The following PDE1A variants were observed in gnomAD, a reference collection of about 807,000 sequenced individuals.
PDE1A encodes phosphodiesterase 1A.
A neutral mutation model predicts 61.7 loss-of-function variants in PDE1A; 35 were observed. The ratio of observed to expected loss-of-function variants is 0.57; its 90% CI spans 0.43 to 0.75. The LOEUF is 0.75. Among genes scored for constraint, PDE1A ranks in the 30% least tolerant of loss-of-function variants. The pLI, the probability that PDE1A is intolerant of heterozygous loss-of-function variation, is 0.00. For synonymous variants in PDE1A, 232 were observed against 213.2 expected (o/e 1.09, Z -0.77); for missense variants, 597 against 630.6 (o/e 0.95, Z 0.57).
chr2:182,446,510 A>G (rs1230607325), intron 2 of PDE1A, among the ~76,000 whole-genome samples: 2 of 152,094 alleles, frequency 1.3e-5, no homozygotes, highest in Non-Finnish European at 2.9e-5. Context: ...GACTGAGACT[A>G]AGTATTCTGT....
the PDE1A span, among the ~76,000 whole-genome samples, chr2:182,565,380 C>T: frequency 4.1e-4 from 62 of 152,282 alleles, no homozygotes; most frequent in Non-Finnish European, 1.5e-5. Context: ...TTTTTGTGAA[C>T]CGCAAATGCT....
At chr2:182,676,157 T>G in the PDE1A span, among the ~76,000 whole-genome samples, 1 of 152,046 alleles carries the variant, frequency 6.6e-6, no homozygotes, top group African/African-American at 2.4e-5. Context: ...GGAGTTGGCT[T>G]TTTGAAAAAA....
chr2:182,646,969 A>G, the PDE1A span, among the ~76,000 whole-genome samples: 2 of 152,360 alleles, frequency 1.3e-5, no homozygotes, highest in East Asian at 3.9e-4. Context: ...GGCCATGCTG[A>G]TAATTGGATT....
chr2:182,670,427 CT>C, the PDE1A span, among the ~76,000 whole-genome samples: 2 of 152,162 alleles, frequency 1.3e-5, no homozygotes. Context: ...CTATCAATAG[CT>C]TTTAAAAGCT....
At chr2:182,151,824 T>G (rs944658021) in intron 13 of PDE1A, among the ~76,000 whole-genome samples, 15 of 152,186 alleles carry the variant, frequency 9.9e-5, no homozygotes, top group African/African-American at 3.6e-4. Context: ...TTTGCACTCG[T>G]TATTTTTGAC....
chr2:182,264,207 CT>C, intron 2 of PDE1A, 93 bp downstream of exon 2: 1 of 782,970 alleles, frequency 1.3e-6, no homozygotes, highest in Non-Finnish European at 2.1e-6. Flanking sequence ...GGAAGATATG[CT>C]AAATTCCTGT....
chr2:182,343,844 C>T (rs1177261041), intron 1 of PDE1A, among the ~76,000 whole-genome samples: 3 of 150,384 alleles, frequency 2.0e-5, no homozygotes, highest in African/African-American at 4.9e-5. Flanking sequence ...TGTCCAAATA[C>T]ATAGTAATCT....
the PDE1A span, among the ~76,000 whole-genome samples, chr2:182,635,947 ATTTTTTT>A: frequency 1.8e-5 from 1 of 55,272 alleles, no homozygotes; most frequent in African/African-American, 6.8e-5. Flanking sequence ...TCTCACCGGT[ATTTTTTT>A]TTTTTTTTTT....
intron 10 of PDE1A, among the ~76,000 whole-genome samples, chr2:182,194,815 A>C (rs189343508): frequency 5.9e-4 from 89 of 152,116 alleles, no homozygotes; most frequent in Non-Finnish European, 1.0e-3. Flanking sequence ...TTCGGTAGAC[A>C]AACTAATAAG....
chr2:182,447,002 C>A (rs751265483), intron 2 of PDE1A, among the ~76,000 whole-genome samples: 1 of 151,516 alleles, frequency 6.6e-6, no homozygotes, highest in Non-Finnish European at 1.5e-5. Context: ...TGCACAAAAT[C>A]TTTTGTTTTG....
chr2:182,342,270 T>A (rs1395264617), intron 1 of PDE1A, among the ~76,000 whole-genome samples: 2 of 152,182 alleles, frequency 1.3e-5, no homozygotes, highest in African/African-American at 4.8e-5. Context: ...TATATAGTAT[T>A]TTTTGTTTCT....
intron 2 of PDE1A, among the ~76,000 whole-genome samples, chr2:182,446,702 A>G (rs1245285120): frequency 6.6e-6 from 1 of 152,094 alleles, no homozygotes; most frequent in Non-Finnish European, 1.5e-5. Flanking sequence ...GTTGAGTTCA[A>G]ATGATTAAAT....
chr2:182,281,288 T>C (rs1321640863), intron 1 of PDE1A, among the ~76,000 whole-genome samples: 1 of 151,964 alleles, frequency 6.6e-6, no homozygotes, highest in Non-Finnish European at 1.5e-5. Flanking sequence ...CTACTGCAAT[T>C]TGCTTTTAAA....
At chr2:182,655,600 C>G in the PDE1A span, among the ~76,000 whole-genome samples, 2 of 152,264 alleles carry the variant, frequency 1.3e-5, no homozygotes, top group African/African-American at 4.8e-5. Context: ...TTTCTAGCCT[C>G]TAGACAATGA....
chr2:182,232,844 AG>A (rs1366081635), intron 4 of PDE1A, among the ~76,000 whole-genome samples: 1 of 152,212 alleles, frequency 6.6e-6, no homozygotes, highest in Non-Finnish European at 1.5e-5. Flanking sequence ...ACTGAGTAAA[AG>A]GTTAATTCTT....
At chr2:182,167,982 CA>C (rs1458163943) in exon 14 of PDE1A, 3 of 1,201,888 alleles carry the variant, frequency 2.5e-6, no homozygotes, top group Non-Finnish European at 3.1e-6. Context: ...ACAAATGCCA[CA>C]AAATGCCATT....
At chr2:182,634,842 A>G in the PDE1A span, among the ~76,000 whole-genome samples, 15 of 152,244 alleles carry the variant, frequency 9.9e-5, no homozygotes, top group Non-Finnish European at 1.8e-4. Context: ...ATTCATCTTT[A>G]GTCAAAGCTT....
intron 1 of PDE1A, among the ~76,000 whole-genome samples, chr2:182,330,393 T>C (rs1393418323): frequency 1.3e-5 from 2 of 151,986 alleles, no homozygotes; most frequent in East Asian, 3.9e-4. Context: ...CAGCACTGAA[T>C]AATTTCTTAA....
At position 182,516,835 on chromosome 2, in the gene PDE1A, G is replaced by A. The variant is rs57920634; in HGVS notation, c.101+5441C>T. On this transcript the variant is annotated intron_variant, in intron 2 of 14. Transcript: ENST00000410103. ...AGGAAAGGAAGGGAAGGAAGGAAGG[G>A]AGGGAGGGAGGGAGGGAGGGAGGGA... Among the ~76,000 whole-genome samples the A allele has an allele frequency of 1.7e-4, 7 of 42,002 alleles. 1 individual carries two copies. Among genetic ancestry groups the A allele is most frequent in the Admixed American group, 7.9e-4 (2 of 2,528 alleles). The allele number at this position is 42,002 out of a possible 152,430, so 27.6% of individuals were successfully genotyped here.
Sources: gnomAD v4.1 joint callset for allele counts (sites outside exome capture counted in the v4.1 genomes callset) on GRCh38, gnomAD v4.1.1 for gene constraint, MANE v1.5 for transcripts, NCBI Gene and HGNC (gene_info 2026-07-23, HGNC 2026-07-21) for gene names.